Variants in NIPBL observed in about 807,000 individuals in gnomAD.
NIPBL encodes the protein NIPBL cohesin loading factor.
Under a neutral mutation model 321.8 loss-of-function variants are expected in NIPBL, and 19 were observed. That is an observed-to-expected ratio of 0.06 (90% CI 0.04 to 0.09). NIPBL has a LOEUF of 0.09. Ranked by LOEUF, NIPBL falls within the 10% of genes least tolerant of loss-of-function variation. NIPBL has a pLI of 1.00. For missense variants in NIPBL, 2,210 were observed against 3,327.0 expected, an observed-to-expected ratio of 0.66 and a Z score of 8.26; for synonymous variants, 1,106 against 1,114.1, an observed-to-expected ratio of 0.99 and a Z score of 0.14.
At position 37,006,440 on chromosome 5, in the gene NIPBL, A is replaced by G; in HGVS notation, c.3939A>G (p.Thr1313=). The G allele has an allele frequency of 6.2e-7, 1 of 1,612,942 alleles. No homozygotes were observed. Among genetic ancestry groups the G allele is most frequent in the Non-Finnish European group, 8.5e-7 (1 of 1,179,072 alleles). Reference sequence around the variant, plus strand: ...CAAAATCAGCGGATGCTTGTCTTACAACTATCAACATTATGACATCCCCTA... The same window carrying G: ...CAAAATCAGCGGATGCTTGTCTTACGACTATCAACATTATGACATCCCCTA... The part of the protein sequence containing the change: ...RVTKSADACL[T]TINIMTSPNM... Residue 1313 remains threonine (T), a synonymous_variant, in exon 17 of 47, where the codon ACA becomes ACG. Coordinates refer to ENST00000282516, the MANE Select transcript of NIPBL (RefSeq NM_133433.4).
At chr5:36,956,616 CTTTTTTTTTTTTTTTTT>C (rs34760816) in intron 3 of NIPBL, among the ~76,000 whole-genome samples, 3 of 79,484 alleles carry the variant, frequency 3.8e-5, no homozygotes, top group Admixed American at 2.9e-4. Flanking sequence ...TAAATCACTT[CTTTTTTTTTTTTTTTTT>C]TTTTTTTTTG....
chr5:36,937,481 G>C (rs1738568382), intron 1 of NIPBL, among the ~76,000 whole-genome samples: 2 of 151,994 alleles, frequency 1.3e-5, no homozygotes, highest in African/African-American at 4.8e-5. Context: ...TGTGTGCATG[G>C]ATTGCATGAT....
chr5:36,909,777 G>A (rs1299425011), intron 1 of NIPBL, among the ~76,000 whole-genome samples: 1 of 151,990 alleles, frequency 6.6e-6, no homozygotes, highest in African/African-American at 2.4e-5. Context: ...TATTATTAAA[G>A]GAAAAAAAGA....
At chr5:36,942,432 TAAAAAAAAA>T (rs33935189) in intron 1 of NIPBL, among the ~76,000 whole-genome samples, 4 of 59,792 alleles carry the variant, frequency 6.7e-5, no homozygotes, top group Admixed American at 2.2e-4. Flanking sequence ...ACTCTGTCTT[TAAAAAAAAA>T]AAAAAAAAAA....
chr5:37,013,368 G>A (rs564353000), intron 21 of NIPBL, among the ~76,000 whole-genome samples: 5 of 152,090 alleles, frequency 3.3e-5, no homozygotes, highest in South Asian at 2.1e-4. Flanking sequence ...CCTCCCTTCC[G>A]GACGAGGTGG....
chr5:37,003,419 T>C, intron 16 of NIPBL, 72 bp downstream of exon 16: 1 of 858,782 alleles, frequency 1.2e-6, no homozygotes, highest in Non-Finnish European at 1.9e-6. Context: ...CCCACTTCTC[T>C]ATTGTTTCAT....
chr5:36,888,693 G>A (rs1469667499), intron 1 of NIPBL, among the ~76,000 whole-genome samples: 3 of 152,006 alleles, frequency 2.0e-5, no homozygotes, highest in Non-Finnish European at 2.9e-5. Context: ...GGAAATTAAT[G>A]TTCATGGTTT....
intron 1 of NIPBL, chr5:36,886,313 A>G (rs1049311373): frequency 2.3e-5 from 16 of 683,726 alleles, no homozygotes; most frequent in Non-Finnish European, 3.5e-5. Context: ...CTGAACATCA[A>G]GGTCAAGCTG....
intron 1 of NIPBL, among the ~76,000 whole-genome samples, chr5:36,934,946 A>T (rs1750047499): frequency 6.6e-6 from 1 of 152,088 alleles, no homozygotes; most frequent in Non-Finnish European, 1.5e-5. Flanking sequence ...AAGGACTCAC[A>T]CTCACCATGC....
intron 1 of NIPBL, chr5:36,886,060 C>T (rs541987696): frequency 2.8e-4 from 198 of 704,432 alleles, no homozygotes; most frequent in South Asian, 2.6e-3. Flanking sequence ...CCACTCAGTC[C>T]GCGCAGGTCG....
intron 8 of NIPBL, 88 bp downstream of exon 8, chr5:36,972,129 G>T: frequency 1.2e-6 from 1 of 849,528 alleles, no homozygotes; most frequent in South Asian, 1.6e-5. Context: ...ATATTAAAAA[G>T]TTATTCTGTA....
In NIPBL at chr5:37,004,714, CT is replaced by C. The variant is rs1301276680; in HGVS notation, c.3855+1370del. Among the ~76,000 whole-genome samples the C allele has an allele frequency of 3.9e-5, 6 of 152,194 alleles. No individual in the cohort carries two copies. In the East Asian group the frequency reaches 1.2e-3, roughly 29 times the overall value. ...GAGGCACTACACCTGGCCAAATTTTCTTTATTTTTAAAAGCCTGATTATAAA... is the reference window on the plus strand; with the variant it reads ...GAGGCACTACACCTGGCCAAATTTTCTTATTTTTAAAAGCCTGATTATAAA... On this transcript the variant is annotated intron_variant, in intron 16 of 46. Transcript: ENST00000282516.
intron 1 of NIPBL, among the ~76,000 whole-genome samples, chr5:36,930,412 T>A (rs568817579): frequency 6.6e-6 from 1 of 152,214 alleles, no homozygotes; most frequent in African/African-American, 2.4e-5. Flanking sequence ...TATCTTGTGA[T>A]CTAGCTGAGC....
At chr5:37,033,141 A>G (rs77414040) in intron 32 of NIPBL, among the ~76,000 whole-genome samples, 2,024 of 152,320 alleles carry the variant, frequency 0.013, 61 homozygotes, top group African/African-American at 0.046. Flanking sequence ...CAAGGATACA[A>G]TGTAAATTCC....
intron 45 of NIPBL, among the ~76,000 whole-genome samples, chr5:37,062,104 G>A (rs1197455304): frequency 6.6e-6 from 1 of 152,202 alleles, no homozygotes. Flanking sequence ...CCAAAGTGCT[G>A]GGATTACAGG....
Position 37,008,507 on chromosome 5 carries a change from AG to A in NIPBL, c.4321-115del. Reference sequence around the variant, plus strand: ...ATAGGAAAATAGAGCAGCTTACCTTAGATACTGAAAACATTTTCATTCTAAA... The same window carrying A: ...ATAGGAAAATAGAGCAGCTTACCTTAATACTGAAAACATTTTCATTCTAAA... On this transcript the variant is annotated intron_variant, in intron 19 of 46. Transcript: ENST00000282516. The A allele has an allele frequency of 5.9e-6, 4 of 677,746 alleles. 1 individual carries two copies. The South Asian group carries it at 7.0e-5, about 12-fold the overall frequency. The allele number at this position is 677,746 out of a possible 1,614,324, so 42.0% of individuals were successfully genotyped here.
At chr5:36,990,830 T>G (rs1356908053) in intron 10 of NIPBL, among the ~76,000 whole-genome samples, 1 of 152,134 alleles carries the variant, frequency 6.6e-6, no homozygotes, top group Non-Finnish European at 1.5e-5. Context: ...TTCCATTCTG[T>G]CTCTTAAGCC....
At chr5:37,049,054 T>G in intron 39 of NIPBL, 57 bp from the exon 40 acceptor site, 1 of 1,564,266 alleles carries the variant, frequency 6.4e-7, no homozygotes, top group Non-Finnish European at 8.8e-7. Context: ...TTGAAATATT[T>G]AGTAAAGTTA....
intron 21 of NIPBL, among the ~76,000 whole-genome samples, chr5:37,011,418 G>C (rs1053411113): frequency 2.0e-5 from 3 of 152,152 alleles, no homozygotes; most frequent in African/African-American, 7.2e-5. Flanking sequence ...AGCTGGTCAT[G>C]TTGTTGTGCA....
Sources: allele counts gnomAD v4.1 joint callset (sites outside exome capture counted in the v4.1 genomes callset), GRCh38; gene constraint gnomAD v4.1.1; transcripts MANE v1.5; gene names NCBI Gene and HGNC (gene_info 2026-07-23, HGNC 2026-07-21).